Variants in FOXR1 observed in about 807,000 individuals in gnomAD.
FOXR1 encodes forkhead box R1.
FOXR1 carries 25 observed loss-of-function variants against 34.5 expected under a neutral mutation model. That is an observed-to-expected ratio of 0.72 (90% confidence interval 0.53 to 1.01). The LOEUF (loss-of-function observed/expected upper bound fraction) is 1.01. FOXR1 is among the 50% of genes least tolerant of loss of function. FOXR1 has a pLI of 0.00. For synonymous variants in FOXR1, 153 were observed against 141.6 expected (o/e 1.08, Z -0.57); for missense variants, 373 against 376.2 (o/e 0.99, Z 0.07).
chr11:118,981,259 A>G lies in FOXR1; in HGVS notation c.*23A>G. ...TAACCCCAAGAAGCAACAGCCAGCTAATGCTTTATTAAAATTACCCTCACT... is the reference window on the plus strand; with the variant it reads ...TAACCCCAAGAAGCAACAGCCAGCTGATGCTTTATTAAAATTACCCTCACT... On this transcript the variant is annotated 3_prime_UTR_variant, in exon 6 of 6. Transcript: ENST00000317011. The G allele has an allele frequency of 6.2e-7, 1 of 1,612,496 alleles. No homozygotes were observed. The highest frequency in any genetic ancestry group is 1.1e-5 in the South Asian group (1 of 91,038).
At chr11:118,980,282 C>G (rs186549433) in intron 4 of FOXR1, 2 of 698,978 alleles carry the variant, frequency 2.9e-6, no homozygotes, top group African/African-American at 1.7e-5. Context: ...GCCCTGGGCC[C>G]TCAGAGGGAG....
chr11:118,981,106 C>T lies in FOXR1; in HGVS notation c.851-102C>T, dbSNP rs1941856911. The T allele has an allele frequency of 9.4e-6, 11 of 1,170,070 alleles. No individual in the cohort carries two copies. In the Admixed American group the frequency reaches 1.9e-4, roughly 20 times the overall value. The allele number at this position is 1,170,070 out of a possible 1,614,324, so 72.5% of individuals were successfully genotyped here. On this transcript the variant is annotated intron_variant, in intron 5 of 5. Transcript: ENST00000317011. ...TTCAGAGAAGAGGCAGCATTTGAGC[C>T]TTGAGTGAAAGAAGCAGATGACCTG...
chr11:118,974,104 G>A (rs562790840), intron 1 of FOXR1, among the ~76,000 whole-genome samples: 5 of 152,286 alleles, frequency 3.3e-5, no homozygotes, highest in African/African-American at 1.2e-4. Context: ...GATACTTGAA[G>A]GGAAAGTGGT....
intron 1 of FOXR1, 137 bp from the exon 2 acceptor site, chr11:118,978,645 G>T: frequency 1.2e-6 from 1 of 839,880 alleles, no homozygotes. Flanking sequence ...GGGAAAACCC[G>T]TAGAAGTAGA....
chr11:118,977,391 A>G (rs1359331936), intron 1 of FOXR1, among the ~76,000 whole-genome samples: 1 of 152,128 alleles, frequency 6.6e-6, no homozygotes, highest in Non-Finnish European at 1.5e-5. Flanking sequence ...TTTGAGGGTA[A>G]CTGGCATCTT....
chr11:118,975,492 A>G (rs1450925356), intron 1 of FOXR1, among the ~76,000 whole-genome samples: 1 of 126,084 alleles, frequency 7.9e-6, no homozygotes, highest in East Asian at 2.1e-4. Context: ...AGCACAGCTC[A>G]CTGCAGTCTT....
chr11:118,980,380 C>T, intron 4 of FOXR1, 110 bp from the exon 5 acceptor site: 1 of 1,249,858 alleles, frequency 8.0e-7, no homozygotes, highest in Non-Finnish European at 1.2e-6. Context: ...TTGCTACTAT[C>T]CCCCTGGAGA....
intron 1 of FOXR1, 139 bp downstream of exon 1, chr11:118,972,131 C>G (rs1941714402): frequency 4.6e-6 from 2 of 430,590 alleles, no homozygotes; most frequent in Non-Finnish European, 7.1e-6. Context: ...CGCCCCGCGC[C>G]CCCCCCCCCC....
rs782029443 is a variant in FOXR1 at position 118,979,520 on chromosome 11, C to G, written c.463C>G (p.Leu155Val). Reference sequence around the variant, plus strand: ...CCCATCCCCTCACAAAAGGGCCCCCCTCCAGAGTCGGAGGCTTCGGCAAGC... The same window carrying G: ...CCCATCCCCTCACAAAAGGGCCCCCGTCCAGAGTCGGAGGCTTCGGCAAGC... Reference protein sequence around the residue: ...ALPSPHKRAPLQSRRLRQASS... With the variant: ...ALPSPHKRAPVQSRRLRQASS... The change falls in exon 4 of 6, where the codon CTC becomes GTC. Residue 155 changes from leucine to valine, a missense_variant. Leu to Val is a conservative substitution (Grantham distance 32). Transcript: ENST00000317011. 1.9e-6 allele frequency: 3 copies of G among 1,613,672 alleles called. No homozygotes were observed. The highest frequency in any genetic ancestry group is 2.5e-6 in the Non-Finnish European group (3 of 1,179,776).
At chr11:118,972,465 C>A (rs2510895) in intron 1 of FOXR1, among the ~76,000 whole-genome samples, 2 of 152,078 alleles carry the variant, frequency 1.3e-5, no homozygotes, top group African/African-American at 4.8e-5. Context: ...CTGACACCTA[C>A]AAGTGCTCCG....
intron 1 of FOXR1, 119 bp downstream of exon 1, chr11:118,972,111 G>A: frequency 2.5e-6 from 2 of 810,990 alleles, no homozygotes; most frequent in South Asian, 1.7e-5. Context: ...GGGAGGCTTG[G>A]GGGGCCGAGC....
At chr11:118,972,998 A>G (rs982280506) in intron 1 of FOXR1, among the ~76,000 whole-genome samples, 1 of 152,074 alleles carries the variant, frequency 6.6e-6, no homozygotes, top group African/African-American at 2.4e-5. Context: ...ATTGTTTTTG[A>G]GAGCTGTTGT....
Position 118,981,190 on chromosome 11 carries a change from T to G in FOXR1, c.851-18T>G, listed in dbSNP as rs1388902147. On this transcript the variant is annotated intron_variant, in intron 5 of 5. Coordinates refer to ENST00000317011, the MANE Select transcript of FOXR1 (RefSeq NM_181721.3). ...AATTGTGAAGTATAAACTCCTGAAC[T>G]CTCTCCTTTTCTTACAGATGTGATG... 1 of 1,613,972 alleles carries G rather than the reference T, an allele frequency of 6.2e-7. No homozygotes were observed. The highest frequency in any genetic ancestry group is 1.3e-5 in the African/African-American group (1 of 75,060).
intron 1 of FOXR1, among the ~76,000 whole-genome samples, chr11:118,975,103 G>A (rs4442562): frequency 0.16 from 25,069 of 152,094 alleles, 2,688 homozygotes; most frequent in Admixed American, 0.33. Context: ...ATGAGCCCTG[G>A]GGGCAGTCCA....
chr11:118,980,023 G>A (rs1751175125), intron 4 of FOXR1, among the ~76,000 whole-genome samples: 1 of 152,124 alleles, frequency 6.6e-6, no homozygotes, highest in South Asian at 2.1e-4. Flanking sequence ...TGCTAGGACT[G>A]GACTGCCTGG....
chr11:118,972,592 T>G (rs1028593349), intron 1 of FOXR1, among the ~76,000 whole-genome samples: 2 of 150,626 alleles, frequency 1.3e-5, no homozygotes, highest in Admixed American at 6.8e-5. Context: ...CCTTTTCGCC[T>G]GCAAGACCCT....
chr11:118,972,140 C>G (rs1421553224), intron 1 of FOXR1, 148 bp downstream of exon 1: 9 of 696,546 alleles, frequency 1.3e-5, no homozygotes, highest in South Asian at 1.2e-4. Context: ...CCCCCCCCCC[C>G]CGACGGCTTA....
At chr11:118,973,879 A>G (rs568387332) in intron 1 of FOXR1, among the ~76,000 whole-genome samples, 1 of 151,668 alleles carries the variant, frequency 6.6e-6, no homozygotes, top group Admixed American at 6.6e-5. Flanking sequence ...TTTTTAGTAG[A>G]GACAGGGTTT....
rs1457432490 is a variant in FOXR1 at position 118,980,489 on chromosome 11, G to A, written c.612-1G>A. 6.2e-7 allele frequency: 1 copy of A among 1,614,046 alleles called. No homozygotes were observed. The highest frequency in any genetic ancestry group is 8.5e-7 in the Non-Finnish European group (1 of 1,180,012). ...TCCTTACCTCTCCTCCCTGTCCATAGAAAGCACTTCCCCTTTTTCCGGACG... is the reference window on the plus strand; with the variant it reads ...TCCTTACCTCTCCTCCCTGTCCATAAAAAGCACTTCCCCTTTTTCCGGACG... On this transcript the variant is annotated splice_acceptor_variant, in intron 4 of 5. Transcript: ENST00000317011. LOFTEE classifies it high-confidence loss of function.
Sources: gnomAD v4.1 joint callset for allele counts (sites outside exome capture counted in the v4.1 genomes callset) on GRCh38, gnomAD v4.1.1 for gene constraint, MANE v1.5 for transcripts, NCBI Gene and HGNC (gene_info 2026-07-23, HGNC 2026-07-21) for gene names.